UBASH3B: variants seen among roughly 807,000 people sequenced by gnomAD.
UBASH3B encodes the protein ubiquitin-associated and SH3 domain-containing protein B.
UBASH3B carries 37 observed loss-of-function variants against 83.4 expected under a neutral mutation model. The ratio of observed to expected loss-of-function variants is 0.44; its 90% CI spans 0.34 to 0.58. UBASH3B has a LOEUF of 0.58. UBASH3B is among the 20% of genes least tolerant of loss of function. UBASH3B has a pLI of 0.01. For synonymous variants in UBASH3B, 304 were observed against 318.3 expected (o/e 0.96, Z 0.48); for missense variants, 657 against 827.2 (o/e 0.79, Z 2.52).
chr11:122,682,941 T>C (rs1183743912), intron 1 of UBASH3B, among the ~76,000 whole-genome samples: 3 of 152,190 alleles, frequency 2.0e-5, no homozygotes, highest in African/African-American at 7.2e-5. Context: ...ACCCTCCCCA[T>C]ATAATTTTGA....
At chr11:122,659,287 TA>T (rs1375205130) in intron 1 of UBASH3B, among the ~76,000 whole-genome samples, 4 of 152,148 alleles carry the variant, frequency 2.6e-5, no homozygotes, top group African/African-American at 9.7e-5. Context: ...TCACAGCTAT[TA>T]TTATATTACT....
chr11:122,746,448 G>A (rs964624652), intron 1 of UBASH3B, among the ~76,000 whole-genome samples: 24 of 152,174 alleles, frequency 1.6e-4, no homozygotes, highest in African/African-American at 5.3e-4. Flanking sequence ...GTGCCTCCGG[G>A]TGATTAAGTT....
intron 1 of UBASH3B, among the ~76,000 whole-genome samples, chr11:122,701,769 G>C (rs1317132353): frequency 6.6e-6 from 1 of 152,096 alleles, no homozygotes; most frequent in African/African-American, 2.4e-5. Flanking sequence ...GACAACTTTT[G>C]CCCAAAGCAA....
In UBASH3B at chr11:122,689,284, T is replaced by G. The variant is rs976073602; in HGVS notation, c.161+33074T>G. 3.3e-5 allele frequency among the ~76,000 whole-genome samples: 5 copies of G among 152,208 alleles called. No individual in the cohort carries two copies. The South Asian group carries it at 1.0e-3, about 32-fold the overall frequency. ...CGCAATTTGCTGTCAATTGTTTGTC[T>G]AAACATTTTTCTGTCAATTATTTGT... On this transcript the variant is annotated intron_variant, in intron 1 of 13. Transcript: ENST00000284273.
At chr11:122,767,330 A>T (rs1860562411) in intron 1 of UBASH3B, among the ~76,000 whole-genome samples, 1 of 7,296 alleles carries the variant, frequency 1.4e-4, no homozygotes, top group Non-Finnish European at 3.1e-4. Flanking sequence ...TGTTTTTGAG[A>T]TGGAGTCTCT....
chr11:122,689,591 C>T (rs1018194883), intron 1 of UBASH3B, among the ~76,000 whole-genome samples: 5 of 152,096 alleles, frequency 3.3e-5, no homozygotes, highest in African/African-American at 9.7e-5. Context: ...GTTTTCCCCA[C>T]ATGGCAAGCA....
intron 1 of UBASH3B, among the ~76,000 whole-genome samples, chr11:122,754,272 C>T (rs1015585916): frequency 5.3e-5 from 8 of 152,212 alleles, no homozygotes; most frequent in East Asian, 1.9e-4. Flanking sequence ...GAAGTGAAGA[C>T]GGATGTTTCA....
In UBASH3B at chr11:122,656,041, C is replaced by A; in HGVS notation, c.-9C>A. On this transcript the variant is annotated 5_prime_UTR_variant, in exon 1 of 14. Transcript: ENST00000284273. Reference sequence around the variant, plus strand: ...GGCTCCTTCCCTGGCGATGGCTGGCCGCTGAGCCATGGCTCAGTACGGCCA... The same window carrying A: ...GGCTCCTTCCCTGGCGATGGCTGGCAGCTGAGCCATGGCTCAGTACGGCCA... 1 of 1,570,322 alleles carries A rather than the reference C, an allele frequency of 6.4e-7. No individual in the cohort carries two copies. The highest frequency in any genetic ancestry group is 8.6e-7 in the Non-Finnish European group (1 of 1,159,240).
chr11:122,788,931 C>G (rs1861002518), intron 5 of UBASH3B, among the ~76,000 whole-genome samples, 169 bp from the exon 6 acceptor site: 1 of 152,220 alleles, frequency 6.6e-6, no homozygotes, highest in African/African-American at 2.4e-5. Flanking sequence ...GAGAGAAGTG[C>G]TCTCTGATAG....
chr11:122,796,832 G>C, intron 8 of UBASH3B, 79 bp from the exon 9 acceptor site: 1 of 1,597,732 alleles, frequency 6.3e-7, no homozygotes, highest in Non-Finnish European at 8.6e-7. Context: ...AATGGGGGTG[G>C]AGAGTGTCAG....
chr11:122,793,943 A>T lies in UBASH3B; in HGVS notation c.981-759A>T, dbSNP rs1023797942. The stretch of plus-strand genomic sequence containing the variant: ...TTAGGAGCCACTGGCTGAGGTGGAG[A>T]TGGTGAAAATACCCCCCATCACTCT... On this transcript the variant is annotated intron_variant, in intron 6 of 13. Coordinates refer to ENST00000284273, the MANE Select transcript of UBASH3B (RefSeq NM_032873.5). Among the ~76,000 whole-genome samples the T allele has an allele frequency of 3.3e-5, 5 of 152,318 alleles. No individual in the cohort carries two copies. The South Asian group carries it at 8.3e-4, about 25-fold the overall frequency.
chr11:122,765,403 C>G (rs1860519733), intron 1 of UBASH3B, among the ~76,000 whole-genome samples: 1 of 152,190 alleles, frequency 6.6e-6, no homozygotes, highest in African/African-American at 2.4e-5. Flanking sequence ...TCCCACTGAG[C>G]CCTGGGCTCA....
chr11:122,673,655 T>C (rs1456604757), intron 1 of UBASH3B, among the ~76,000 whole-genome samples: 1 of 152,190 alleles, frequency 6.6e-6, no homozygotes, highest in East Asian at 1.9e-4. Flanking sequence ...TGAGACTCCG[T>C]CACTTAAAAA....
chr11:122,717,947 A>G (rs1184981680), intron 1 of UBASH3B, among the ~76,000 whole-genome samples: 1 of 132,322 alleles, frequency 7.6e-6, no homozygotes, highest in Non-Finnish European at 1.5e-5. Context: ...CTCTGTCACC[A>G]GTCTCACTCT....
At chr11:122,700,481 A>G (rs1864027386) in intron 1 of UBASH3B, among the ~76,000 whole-genome samples, 1 of 144,664 alleles carries the variant, frequency 6.9e-6, no homozygotes, top group African/African-American at 2.6e-5. Context: ...ACTCACTCTC[A>G]TAGTTTACTT....
intron 1 of UBASH3B, among the ~76,000 whole-genome samples, chr11:122,735,517 A>G (rs1243398159): frequency 2.0e-5 from 3 of 152,216 alleles, no homozygotes; most frequent in Admixed American, 6.5e-5. Flanking sequence ...TGAGCACCTA[A>G]TATGTGATAG....
At chr11:122,720,052 A>G (rs530591188) in intron 1 of UBASH3B, among the ~76,000 whole-genome samples, 1 of 152,242 alleles carries the variant, frequency 6.6e-6, no homozygotes, top group East Asian at 1.9e-4. Context: ...TCCTTTGTCT[A>G]AACTCACCCC....
chr11:122,688,625 C>CTTTTATTTTATTTTATTTTA (rs560066242), intron 1 of UBASH3B, among the ~76,000 whole-genome samples: 4 of 137,358 alleles, frequency 2.9e-5, no homozygotes, highest in African/African-American at 1.1e-4. Flanking sequence ...TTTTTTCTTT[C>CTTTTATTTTATTTTATTTTA]TTTTATTTTA....
At chr11:122,686,834 A>G (rs1863814181) in intron 1 of UBASH3B, among the ~76,000 whole-genome samples, 1 of 151,810 alleles carries the variant, frequency 6.6e-6, no homozygotes, top group Non-Finnish European at 1.5e-5. Flanking sequence ...CATCTCTCTA[A>G]GCCCTGTTTT....
Sources: gnomAD v4.1 joint callset for allele counts (sites outside exome capture counted in the v4.1 genomes callset) on GRCh38, gnomAD v4.1.1 for gene constraint, MANE v1.5 for transcripts, NCBI Gene and HGNC (gene_info 2026-07-23, HGNC 2026-07-21) for gene names.